ANKRD6: variants seen among roughly 807,000 people sequenced by gnomAD.
ANKRD6 encodes ankyrin repeat domain 6.
A neutral mutation model predicts 82.3 loss-of-function variants in ANKRD6; 56 were observed. The ratio of observed to expected loss-of-function variants is 0.68; its 90% CI spans 0.55 to 0.85. The LOEUF is 0.85. ANKRD6 is among the 40% of genes least tolerant of loss of function. The pLI is 0.00. For missense variants in ANKRD6, 852 were observed against 907.6 expected (o/e 0.94, Z 0.79); for synonymous variants, 347 against 352.1 (o/e 0.99, Z 0.16).
At chr6:89,551,800 C>T (rs1314275242) in intron 1 of ANKRD6, among the ~76,000 whole-genome samples, 1 of 152,106 alleles carries the variant, frequency 6.6e-6, no homozygotes, top group Non-Finnish European at 1.5e-5. Flanking sequence ...AAATAATTTG[C>T]CTATGATAAT....
chr6:89,474,522 A>T (rs1430373129), intron 1 of ANKRD6, among the ~76,000 whole-genome samples: 1 of 152,050 alleles, frequency 6.6e-6, no homozygotes, highest in East Asian at 1.9e-4. Context: ...GGTTCATGCC[A>T]TTCTCCTGCC....
At position 89,435,775 on chromosome 6, in the gene ANKRD6, T is replaced by C. The variant is rs186491404; in HGVS notation, c.-144+2400T>C. 9.5e-4 allele frequency among the ~76,000 whole-genome samples: 144 copies of C among 152,332 alleles called. 2 individuals carry two copies. Among genetic ancestry groups the C allele is most frequent in the Non-Finnish European group, 7.6e-4 (52 of 68,024 alleles). On this transcript the variant is annotated intron_variant, in intron 1 of 15. Transcript: ENST00000339746. Reference sequence around the variant, plus strand: ...GGTGCGTGCGTTTTAGAAGTTTTTTTAAAAATGCAAATTATCCAGAAGGCA... The same window carrying C: ...GGTGCGTGCGTTTTAGAAGTTTTTTCAAAAATGCAAATTATCCAGAAGGCA...
chr6:89,558,489 T>A (rs1024814380), intron 1 of ANKRD6, among the ~76,000 whole-genome samples: 2 of 152,094 alleles, frequency 1.3e-5, no homozygotes, highest in African/African-American at 4.8e-5. Flanking sequence ...ACACACTGTA[T>A]GATTCCAGCC....
At chr6:89,481,502 TAAAGGATACTCAAC>T (rs573429531) in intron 1 of ANKRD6, among the ~76,000 whole-genome samples, 42 of 152,328 alleles carry the variant, frequency 2.8e-4, no homozygotes, top group Middle Eastern at 3.4e-3. Context: ...CATTTCAAAT[TAAAGGATACTCAAC>T]CGTATAATCT....
At chr6:89,616,521 A>C in intron 7 of ANKRD6, 38 bp from the exon 8 acceptor site, 1 of 1,597,328 alleles carries the variant, frequency 6.3e-7, no homozygotes. Context: ...GTAGGCCATG[A>C]GCAGATGAGG....
At chr6:89,626,566 A>C (rs990043595) in intron 13 of ANKRD6, among the ~76,000 whole-genome samples, 1 of 152,260 alleles carries the variant, frequency 6.6e-6, no homozygotes, top group Non-Finnish European at 1.5e-5. Context: ...GGTGCTCACC[A>C]CGTCTCCAGA....
chr6:89,590,913 A>G (rs912736148), intron 2 of ANKRD6, among the ~76,000 whole-genome samples: 2 of 152,178 alleles, frequency 1.3e-5, no homozygotes, highest in African/African-American at 2.4e-5. Context: ...AATTCTTAAG[A>G]TAGTGCCTTC....
At chr6:89,608,932 G>T (rs1268170651) in intron 5 of ANKRD6, among the ~76,000 whole-genome samples, 2 of 152,082 alleles carry the variant, frequency 1.3e-5, no homozygotes, top group Non-Finnish European at 2.9e-5. Context: ...GCCTCTGCTG[G>T]CCCACCTCTG....
Position 89,631,090 on chromosome 6 carries a change from T to C in ANKRD6, c.*86T>C. On this transcript the variant is annotated 3_prime_UTR_variant, in exon 16 of 16. Transcript: ENST00000339746. The stretch of plus-strand genomic sequence containing the variant: ...TAGCTATGCCCAAGGAGTCAACTAT[T>C]GTATATATTGCAGATTTGCCTTTTT... 1 of 1,430,790 alleles carries C rather than the reference T, an allele frequency of 7.0e-7. No individual in the cohort carries two copies. Among genetic ancestry groups the C allele is most frequent in the Non-Finnish European group, 9.1e-7 (1 of 1,097,666 alleles). 88.6% of individuals were successfully genotyped at this position (1,430,790 alleles called of 1,614,324 possible). A position where few individuals can be genotyped will look rare whatever the true frequency, so the allele number is the denominator to read the frequency against.
intron 1 of ANKRD6, among the ~76,000 whole-genome samples, chr6:89,502,867 A>C (rs1220662204): frequency 6.6e-6 from 1 of 152,206 alleles, no homozygotes. Flanking sequence ...TTATTCCACC[A>C]AGGGGACTGG....
chr6:89,534,867 C>G (rs898495635), intron 1 of ANKRD6, among the ~76,000 whole-genome samples: 1 of 152,128 alleles, frequency 6.6e-6, no homozygotes. Flanking sequence ...GGCAGCTATT[C>G]CATCTTAACC....
rs951449995 is a variant in ANKRD6 at position 89,489,308 on chromosome 6, G to A, written c.-144+55933G>A. On this transcript the variant is annotated intron_variant, in intron 1 of 15. Coordinates refer to ENST00000339746, the MANE Select transcript of ANKRD6 (RefSeq NM_001242809.2). ...TTAAACGAGGACAATAATTCAGTTT[G>A]AGTGCCCCTGAATCATGTCTTTGTC... 2.0e-5 allele frequency among the ~76,000 whole-genome samples: 3 copies of A among 152,296 alleles called. No individual in the cohort carries two copies. The East Asian group carries it at 5.8e-4, about 29-fold the overall frequency.
chr6:89,444,381 G>A (rs1349280106), intron 1 of ANKRD6, among the ~76,000 whole-genome samples: 1 of 152,164 alleles, frequency 6.6e-6, no homozygotes, highest in Non-Finnish European at 1.5e-5. Flanking sequence ...AAGGAACAAT[G>A]AAAGAACCTC....
At chr6:89,554,795 A>G (rs1244477365) in intron 1 of ANKRD6, among the ~76,000 whole-genome samples, 1 of 152,210 alleles carries the variant, frequency 6.6e-6, no homozygotes, top group Non-Finnish European at 1.5e-5. Context: ...AGAGAATTTC[A>G]GTCTCTCATG....
chr6:89,467,659 A>G (rs2127781833), intron 1 of ANKRD6, among the ~76,000 whole-genome samples: 1 of 152,306 alleles, frequency 6.6e-6, no homozygotes, highest in Admixed American at 6.5e-5. Flanking sequence ...GCTTTCTATG[A>G]CTGGAAAGGT....
At chr6:89,466,843 A>T (rs1774902919) in intron 1 of ANKRD6, among the ~76,000 whole-genome samples, 1 of 152,190 alleles carries the variant, frequency 6.6e-6, no homozygotes, top group African/African-American at 2.4e-5. Flanking sequence ...AGAAGCTGGG[A>T]TAACAGGCCC....
intron 8 of ANKRD6, among the ~76,000 whole-genome samples, chr6:89,617,124 G>A (rs1801773571): frequency 1.3e-5 from 2 of 152,172 alleles, no homozygotes; most frequent in South Asian, 2.1e-4. Context: ...AGATCCTAGA[G>A]CAGGCACCAG....
chr6:89,598,928 C>G (rs1796473192), intron 3 of ANKRD6, among the ~76,000 whole-genome samples: 1 of 152,158 alleles, frequency 6.6e-6, no homozygotes, highest in South Asian at 2.1e-4. Flanking sequence ...AGGTTAATGA[C>G]TTCACAGGTT....
chr6:89,516,676 C>T (rs192000310), intron 1 of ANKRD6, among the ~76,000 whole-genome samples: 15 of 152,232 alleles, frequency 9.9e-5, no homozygotes, highest in Admixed American at 2.0e-4. Context: ...GGGGTTTTGC[C>T]GTGTTGGCCA....
Sources: gnomAD v4.1 joint callset for allele counts (sites outside exome capture counted in the v4.1 genomes callset) on GRCh38, gnomAD v4.1.1 for gene constraint, MANE v1.5 for transcripts, NCBI Gene and HGNC (gene_info 2026-07-23, HGNC 2026-07-21) for gene names.